MRC1: variants seen among roughly 807,000 people sequenced by gnomAD.
The protein encoded by MRC1 is mannose receptor C-type 1.
MRC1 carries 62 observed loss-of-function variants against 102.9 expected under a neutral mutation model. The ratio of observed to expected loss-of-function variants is 0.60; its 90% CI spans 0.49 to 0.74. MRC1 has a LOEUF of 0.74. MRC1 is among the 30% of genes least tolerant of loss of function. MRC1 has a pLI of 0.00. For missense variants in MRC1, 1,237 were observed against 862.8 expected (o/e 1.43, Z -5.43); for synonymous variants, 457 against 298.4 (o/e 1.53, Z -5.48).
intron 1 of MRC1, among the ~76,000 whole-genome samples, chr10:17,810,377 C>A (rs1163106593): frequency 6.6e-5 from 10 of 152,108 alleles, no homozygotes; most frequent in Non-Finnish European, 1.5e-4. Context: ...CAAACACTTG[C>A]AGAGAATGGT....
At chr10:17,869,162 G>T (rs951290105) in intron 12 of MRC1, among the ~76,000 whole-genome samples, 1 of 152,102 alleles carries the variant, frequency 6.6e-6, no homozygotes, top group Non-Finnish European at 1.5e-5. Flanking sequence ...CAGGTACTTG[G>T]GGTAGGGTTT....
chr10:17,849,734 T>C lies in MRC1; in HGVS notation c.1219T>C (p.Leu407=), dbSNP rs782472403. The change falls in exon 7 of 30, where the codon TTG becomes CTG. Residue 407 remains leucine (L), a synonymous_variant. Coordinates refer to ENST00000569591, the MANE Select transcript of MRC1 (RefSeq NM_002438.4). ...CACAAGTATCCACACCATCGAGGAATTGGACTTTATTATCTCCCAGCTAGG... is the reference window on the plus strand; with the variant it reads ...CACAAGTATCCACACCATCGAGGAACTGGACTTTATTATCTCCCAGCTAGG... ...DLTSIHTIEE[L]DFIISQLGYE... is the part of the protein sequence containing the mutation. The C allele has an allele frequency of 2.9e-5, 23 of 780,872 alleles. No homozygotes were observed. The highest frequency in any genetic ancestry group is 1.7e-5 in the African/African-American group (1 of 59,138). 48.4% of individuals were successfully genotyped at this position (780,872 alleles called of 1,614,324 possible). A position where few individuals can be genotyped will look rare whatever the true frequency, so the allele number is the denominator to read the frequency against.
chr10:17,872,575 A>G lies in MRC1; in HGVS notation c.2344+449A>G, dbSNP rs1029843205. Among the ~76,000 whole-genome samples the G allele has an allele frequency of 3.2e-4, 49 of 152,342 alleles. No individual in the cohort carries two copies. In the East Asian group the frequency reaches 9.1e-3, roughly 28 times the overall value. On this transcript the variant is annotated intron_variant, in intron 15 of 29. Transcript: ENST00000569591. Reference sequence around the variant, plus strand: ...AGATAAATGTTCCACACAGTGAACAATCACCCTGGAGTGGCCTCTGATGCT... The same window carrying G: ...AGATAAATGTTCCACACAGTGAACAGTCACCCTGGAGTGGCCTCTGATGCT...
chr10:17,868,690 C>T (rs903561233), intron 12 of MRC1, among the ~76,000 whole-genome samples: 111 of 152,282 alleles, frequency 7.3e-4, no homozygotes, highest in Non-Finnish European at 1.4e-3. Context: ...TTTGGCAAGA[C>T]TGGTGAGGAA....
intron 1 of MRC1, among the ~76,000 whole-genome samples, chr10:17,821,480 C>T (rs1390955425): frequency 6.6e-6 from 1 of 151,974 alleles, no homozygotes; most frequent in Non-Finnish European, 1.5e-5. Flanking sequence ...TGATCAAGCA[C>T]CAGACTGGAT....
Position 17,897,455 on chromosome 10 carries a change from A to G in MRC1, c.3251-579A>G, listed in dbSNP as rs1159065165. Among the ~76,000 whole-genome samples the G allele has an allele frequency of 3.9e-5, 6 of 152,158 alleles. No individual in the cohort carries two copies. The South Asian group carries it at 1.2e-3, about 32-fold the overall frequency. On this transcript the variant is annotated intron_variant, in intron 23 of 29. Coordinates refer to ENST00000569591, the MANE Select transcript of MRC1 (RefSeq NM_002438.4). ...TTACCCATAGGCGAAGGGCATAGAA[A>G]ATCATCAAGAGTAAAGCTTGATCTT...
Position 17,856,224 on chromosome 10 carries a change from T to C in MRC1, c.1408-18T>C. 1.2e-6 allele frequency: 1 copy of C among 826,268 alleles called. No homozygotes were observed. The highest frequency in any genetic ancestry group is 2.1e-6 in the Non-Finnish European group (1 of 474,516). The allele number at this position is 826,268 out of a possible 1,614,324, so 51.2% of individuals were successfully genotyped here. A position where few individuals can be genotyped will look rare whatever the true frequency, so the allele number is the denominator to read the frequency against. On this transcript the variant is annotated intron_variant, in intron 8 of 29. Coordinates refer to ENST00000569591, the MANE Select transcript of MRC1 (RefSeq NM_002438.4). The stretch of plus-strand genomic sequence containing the variant: ...ACTGATAATCCTTTATTTTTTTCTC[T>C]CTCTCTGCTCCCTGCAGGATGGGTA...
chr10:17,908,245 A>G (rs898726774), intron 28 of MRC1, among the ~76,000 whole-genome samples: 5 of 152,154 alleles, frequency 3.3e-5, no homozygotes, highest in Admixed American at 6.5e-5. Context: ...TATCCCTCCC[A>G]ATACATTACT....
chr10:17,829,073 A>G (rs1165055881), intron 3 of MRC1, among the ~76,000 whole-genome samples: 3 of 151,358 alleles, frequency 2.0e-5, no homozygotes, highest in African/African-American at 7.4e-5. Flanking sequence ...TTTCCTGGTT[A>G]TCACCCAGAA....
intron 11 of MRC1, among the ~76,000 whole-genome samples, chr10:17,865,229 G>A (rs992360589): frequency 6.6e-6 from 1 of 152,142 alleles, no homozygotes; most frequent in Non-Finnish European, 1.5e-5. Flanking sequence ...TCTGTAATTT[G>A]CATTCTCACC....
intron 9 of MRC1, 52 bp downstream of exon 9, chr10:17,856,404 C>G (rs1487687808): frequency 2.5e-6 from 2 of 810,588 alleles, no homozygotes; most frequent in South Asian, 2.9e-5. Flanking sequence ...TGAGTTGATA[C>G]CGTTGGCTTT....
Position 17,844,003 on chromosome 10 carries a change from C to G in MRC1, c.917-1286C>G, listed in dbSNP as rs374510401. Among the ~76,000 whole-genome samples, 477 of 152,248 alleles carry G rather than the reference C, an allele frequency of 3.1e-3. 6 individuals carry two copies. The South Asian group carries it at 0.055, about 17-fold the overall frequency. ...GTTTTTAAATCATATATTAGAGTAG[C>G]AAAACGCATGTGAAATGTATCAATG... On this transcript the variant is annotated intron_variant, in intron 5 of 29. Transcript: ENST00000569591.
At chr10:17,821,888 A>G (rs1232172140) in intron 1 of MRC1, among the ~76,000 whole-genome samples, 2 of 152,218 alleles carry the variant, frequency 1.3e-5, no homozygotes, top group Non-Finnish European at 2.9e-5. Flanking sequence ...TTTTGAAAGA[A>G]CAAGGTGAAT....
chr10:17,856,861 G>A (rs1833100613), intron 9 of MRC1, among the ~76,000 whole-genome samples: 1 of 152,154 alleles, frequency 6.6e-6, no homozygotes, highest in African/African-American at 2.4e-5. Context: ...GGTCACCGCA[G>A]TCGGGAGGTA....
At position 17,910,219 on chromosome 10, in the gene MRC1, C is replaced by G; in HGVS notation, c.4125C>G (p.Asp1375Glu). ...AATGATTTTATTTATTTATAGCTGA[C>G]ACAAGGAAGATGGACCCTTCTAAAC... ...PTHELLTTKA[D>E]TRKMDPSKPS... The change falls in exon 30 of 30, where the codon GAC becomes GAG. Residue 1375 changes from aspartate to glutamate, a missense_variant. Coordinates refer to ENST00000569591, the MANE Select transcript of MRC1 (RefSeq NM_002438.4). The G allele has an allele frequency of 1.3e-6, 1 of 780,850 alleles. No homozygotes were observed. The highest frequency in any genetic ancestry group is 2.4e-6 in the Non-Finnish European group (1 of 417,946). 48.4% of individuals were successfully genotyped at this position (780,850 alleles called of 1,614,324 possible). A position where few individuals can be genotyped will look rare whatever the true frequency, so the allele number is the denominator to read the frequency against.
At chr10:17,815,782 T>C (rs1415259946) in intron 1 of MRC1, among the ~76,000 whole-genome samples, 2 of 152,148 alleles carry the variant, frequency 1.3e-5, no homozygotes, top group African/African-American at 4.8e-5. Context: ...ACAAATGAAG[T>C]AATTCTCTGT....
chr10:17,812,875 A>G lies in MRC1; in HGVS notation c.61+3349A>G, dbSNP rs962807597. 2.6e-5 allele frequency among the ~76,000 whole-genome samples: 4 copies of G among 152,180 alleles called. No homozygotes were observed. In the East Asian group the frequency reaches 5.8e-4, roughly 22 times the overall value. ...CATGAGCCACCACACCTGGCCAACA[A>G]TAGGCTCTTGCTAGCTGCTGCTATT... On this transcript the variant is annotated intron_variant, in intron 1 of 29. Transcript: ENST00000569591.
intron 4 of MRC1, among the ~76,000 whole-genome samples, chr10:17,836,757 AC>A (rs1838670666): frequency 6.6e-6 from 1 of 151,906 alleles, no homozygotes; most frequent in Non-Finnish European, 1.5e-5. Context: ...AATGGCTTGA[AC>A]CTGGGAGGTG....
intron 22 of MRC1, among the ~76,000 whole-genome samples, chr10:17,890,764 G>T (rs1396151312): frequency 6.6e-6 from 1 of 152,170 alleles, no homozygotes; most frequent in Non-Finnish European, 1.5e-5. Context: ...CAGTGCAGGG[G>T]TCTGCAACCC....
Sources: allele counts gnomAD v4.1 joint callset (sites outside exome capture counted in the v4.1 genomes callset), GRCh38; gene constraint gnomAD v4.1.1; transcripts MANE v1.5; gene names NCBI Gene and HGNC (gene_info 2026-07-23, HGNC 2026-07-21).